POU3F3: variants seen among roughly 807,000 people sequenced by gnomAD.
POU3F3 encodes the protein POU domain, class 3, transcription factor 3.
Under a neutral mutation model 8.6 loss-of-function variants are expected in POU3F3, and 1 was observed. That is an observed-to-expected ratio of 0.12 (90% confidence interval 0.04 to 0.55). The LOEUF (loss-of-function observed/expected upper bound fraction) is 0.55. Among genes scored for constraint, POU3F3 ranks in the 20% least tolerant of loss-of-function variants. POU3F3 has a pLI of 0.91. For synonymous variants in POU3F3, 418 were observed against 327.4 expected, an observed-to-expected ratio of 1.28 and a Z score of -2.99; for missense variants, 577 against 690.7, an observed-to-expected ratio of 0.84 and a Z score of 1.84.
the POU3F3 span, among the ~76,000 whole-genome samples, chr2:104,877,936 G>A: frequency 1.3e-5 from 2 of 151,886 alleles, no homozygotes; most frequent in Middle Eastern, 3.2e-3. Context: ...GATTACAGGC[G>A]TGAGCCACCA....
the POU3F3 span, among the ~76,000 whole-genome samples, chr2:104,893,122 G>A: frequency 1.3e-5 from 2 of 152,172 alleles, no homozygotes; most frequent in Non-Finnish European, 2.9e-5. Flanking sequence ...TCATGTGCAC[G>A]AACATAAAGT....
the POU3F3 span, among the ~76,000 whole-genome samples, chr2:104,917,839 G>A: frequency 6.6e-6 from 1 of 152,066 alleles, no homozygotes; most frequent in African/African-American, 2.4e-5. Flanking sequence ...GTTTACATCA[G>A]CTGCCCCCAC....
the POU3F3 span, among the ~76,000 whole-genome samples, chr2:104,889,396 C>T: frequency 6.6e-6 from 1 of 152,208 alleles, no homozygotes; most frequent in Non-Finnish European, 1.5e-5. Flanking sequence ...GAGGAGGGGC[C>T]AGGCTCCTCC....
Position 104,856,846 on chromosome 2 carries a change from G to C in POU3F3, c.1336G>C (p.Glu446Gln), listed in dbSNP as rs761309325. ...ITNLADSLQLEKEVVRVWFCN... is the reference protein window; with the variant it reads ...ITNLADSLQLQKEVVRVWFCN... ...CAACCTGGCCGACAGCCTGCAGCTC[G>C]AGAAGGAGGTGGTGCGGGTCTGGTT... The change falls in exon 1 of 1, where the codon GAG becomes CAG. Residue 446 changes from glutamate to glutamine, a missense_variant. Physicochemically the swap from Glu to Gln is conservative, Grantham distance 29. Transcript: ENST00000361360. The C allele has an allele frequency of 1.9e-6, 3 of 1,613,988 alleles. No homozygotes were observed. The highest frequency in any genetic ancestry group is 1.3e-5 in the African/African-American group (1 of 74,932).
At chr2:104,892,708 C>T in the POU3F3 span, among the ~76,000 whole-genome samples, 47 of 150,724 alleles carry the variant, frequency 3.1e-4, no homozygotes, top group Middle Eastern at 3.4e-3. Context: ...TGTATATATA[C>T]ACACATATGG....
the POU3F3 span, among the ~76,000 whole-genome samples, chr2:104,914,432 A>G: frequency 6.6e-6 from 1 of 152,220 alleles, no homozygotes; most frequent in Non-Finnish European, 1.5e-5. Context: ...AGAAGCCTAG[A>G]CTGTGAGACC....
At chr2:104,923,182 A>C in the POU3F3 span, among the ~76,000 whole-genome samples, 2 of 152,250 alleles carry the variant, frequency 1.3e-5, no homozygotes, top group African/African-American at 4.8e-5. Context: ...GACACTAGAG[A>C]GTAACATGAA....
rs1257988461 is a variant in POU3F3, at chr2:104,856,308, G to A, written c.798G>A (p.Glu266=). Residue 266 remains glutamate, a synonymous_variant, in exon 1 of 1, where the codon GAG becomes GAA. Transcript: ENST00000361360. ...HPGLVRGDTP[E]LAEHHHHHHH... is the part of the protein sequence containing the mutation. ...GGCTGGTGCGCGGGGACACGCCAGA[G>A]CTGGCCGAGCACCACCACCACCACC... The A allele has an allele frequency of 1.3e-6, 2 of 1,503,186 alleles. No individual in the cohort carries two copies. Among genetic ancestry groups the A allele is most frequent in the South Asian group, 2.6e-5 (2 of 77,922 alleles). 93.1% of individuals were successfully genotyped at this position (1,503,186 alleles called of 1,614,324 possible). A position where few individuals can be genotyped will look rare whatever the true frequency, so the allele number is the denominator to read the frequency against.
rs1485203842 is a variant in POU3F3 at position 104,855,007 on chromosome 2, G to A, written c.-504G>A. 6.6e-6 allele frequency among the ~76,000 whole-genome samples: 1 copy of A among 152,140 alleles called. No homozygotes were observed. Among genetic ancestry groups the A allele is most frequent in the Non-Finnish European group, 1.5e-5 (1 of 68,006 alleles). Reference sequence around the variant, plus strand: ...GAGCCCCGCGACCGGGCAGAGTCCGGGCTCGCCCGAGGACAGGAGGAGGAG... The same window carrying A: ...GAGCCCCGCGACCGGGCAGAGTCCGAGCTCGCCCGAGGACAGGAGGAGGAG... On this transcript the variant is annotated 5_prime_UTR_variant, in exon 1 of 1. Coordinates refer to ENST00000361360, the MANE Select transcript of POU3F3 (RefSeq NM_006236.3).
the POU3F3 span, among the ~76,000 whole-genome samples, chr2:104,903,755 C>A: frequency 6.6e-6 from 1 of 152,230 alleles, no homozygotes; most frequent in Non-Finnish European, 1.5e-5. Flanking sequence ...CTTCCTATAA[C>A]CTTTCTGTTA....
downstream of POU3F3, among the ~76,000 whole-genome samples, chr2:104,862,804 C>T (rs921978015): frequency 4.6e-5 from 7 of 152,182 alleles, no homozygotes; most frequent in African/African-American, 9.7e-5. Context: ...TTTTTGTATT[C>T]TCATTAATAA....
At chr2:104,858,932 T>C (rs1676623934), downstream of POU3F3, among the ~76,000 whole-genome samples, 1 of 152,206 alleles carries the variant, frequency 6.6e-6, no homozygotes, top group African/African-American at 2.4e-5. Flanking sequence ...CAACTGGCTA[T>C]TAATGGTTAA....
the POU3F3 span, among the ~76,000 whole-genome samples, chr2:104,905,022 A>T: frequency 6.6e-6 from 1 of 152,142 alleles, no homozygotes; most frequent in Non-Finnish European, 1.5e-5. Flanking sequence ...CCCCATGGGT[A>T]TTTAACCAGC....
chr2:104,855,508 G>C lies in POU3F3; in HGVS notation c.-3G>C. 9.9e-7 allele frequency: 1 copy of C among 1,006,686 alleles called. No homozygotes were observed. Among genetic ancestry groups the C allele is most frequent in the Non-Finnish European group, 1.2e-6 (1 of 843,184 alleles). The allele number at this position is 1,006,686 out of a possible 1,614,324, so 62.4% of individuals were successfully genotyped here. The stretch of plus-strand genomic sequence containing the variant: ...GGCGGTGGGGTGGCGGGAGCGGAGC[G>C]GCATGGCCACGGCGGCTTCTAACCC... On this transcript the variant is annotated 5_prime_UTR_variant, in exon 1 of 1. Coordinates refer to ENST00000361360, the MANE Select transcript of POU3F3 (RefSeq NM_006236.3).
At chr2:104,868,894 G>A in the POU3F3 span, among the ~76,000 whole-genome samples, 2 of 152,236 alleles carry the variant, frequency 1.3e-5, no homozygotes, top group Non-Finnish European at 2.9e-5. Flanking sequence ...TTTTCTATGT[G>A]TGTGTGGTTT....
At chr2:104,909,535 C>T in the POU3F3 span, among the ~76,000 whole-genome samples, 500 of 152,350 alleles carry the variant, frequency 3.3e-3, 21 homozygotes, top group East Asian at 0.074. Context: ...CCGGACATGG[C>T]CCTCTGTGTC....
the POU3F3 span, among the ~76,000 whole-genome samples, chr2:104,904,106 C>T: frequency 1.1e-4 from 16 of 152,220 alleles, no homozygotes; most frequent in African/African-American, 3.9e-4. Context: ...CAAAGCACTA[C>T]AAAGCCAGAA....
the POU3F3 span, among the ~76,000 whole-genome samples, chr2:104,921,089 A>T: frequency 6.6e-6 from 1 of 152,154 alleles, no homozygotes; most frequent in Non-Finnish European, 1.5e-5. Flanking sequence ...TCTTTACTCT[A>T]TGAGATAGGG....
chr2:104,890,148 G>A, the POU3F3 span, among the ~76,000 whole-genome samples: 7 of 152,130 alleles, frequency 4.6e-5, no homozygotes, highest in East Asian at 1.2e-3. Flanking sequence ...TCTGACCAGC[G>A]TGCGCACTGG....
Sources: allele counts gnomAD v4.1 joint callset (sites outside exome capture counted in the v4.1 genomes callset), GRCh38; gene constraint gnomAD v4.1.1; transcripts MANE v1.5; gene names NCBI Gene and HGNC (gene_info 2026-07-23, HGNC 2026-07-21).